FOCAD: variants seen among roughly 807,000 people sequenced by gnomAD.
The protein encoded by FOCAD is focadhesin.
FOCAD carries 198 observed loss-of-function variants against 225.6 expected under a neutral mutation model. The observed-to-expected ratio is 0.88, with a 90% CI of 0.78 to 0.99. The LOEUF (loss-of-function observed/expected upper bound fraction) is 0.99. Among genes scored for constraint, FOCAD ranks in the 50% least tolerant of loss-of-function variants. FOCAD has a pLI of 0.00. For missense variants in FOCAD, 2,713 were observed against 2,123.6 expected (o/e 1.28, Z -5.46); for synonymous variants, 897 against 755.0 (o/e 1.19, Z -3.08).
intron 2 of FOCAD, among the ~76,000 whole-genome samples, chr9:20,666,553 G>C (rs1821904807): frequency 6.6e-6 from 1 of 152,144 alleles, no homozygotes; most frequent in Admixed American, 6.5e-5. Context: ...CTGGGTGAGA[G>C]TGAGACCCTA....
intron 10 of FOCAD, among the ~76,000 whole-genome samples, chr9:20,788,292 T>TG (rs1204520278): frequency 6.6e-6 from 1 of 152,136 alleles, no homozygotes; most frequent in African/African-American, 2.4e-5. Flanking sequence ...TGCCAAGGGC[T>TG]GGAGGAGGGT....
chr9:20,772,868 A>G (rs1423515724), intron 8 of FOCAD, among the ~76,000 whole-genome samples: 2 of 151,854 alleles, frequency 1.3e-5, no homozygotes, highest in Non-Finnish European at 2.9e-5. Context: ...TTTCTATTAT[A>G]CAGTTACATA....
At chr9:20,748,675 C>T (rs1030999899) in intron 5 of FOCAD, among the ~76,000 whole-genome samples, 7 of 152,046 alleles carry the variant, frequency 4.6e-5, no homozygotes, top group African/African-American at 1.7e-4. Flanking sequence ...TTTTCAAGGG[C>T]CATCTGTCTC....
chr9:20,705,776 A>G, intron 1 of FOCAD, among the ~76,000 whole-genome samples: 1 of 151,842 alleles, frequency 6.6e-6, no homozygotes, highest in Non-Finnish European at 1.5e-5. Flanking sequence ...AAAAAATTCT[A>G]GAGATTCATA....
At chr9:20,697,816 G>A (rs1411608183) in intron 1 of FOCAD, among the ~76,000 whole-genome samples, 1 of 152,242 alleles carries the variant, frequency 6.6e-6, no homozygotes, top group Non-Finnish European at 1.5e-5. Flanking sequence ...TGAGACTGGA[G>A]GATGTTGAAC....
At chr9:20,757,682 T>C (rs562096676) in intron 5 of FOCAD, among the ~76,000 whole-genome samples, 27 of 152,048 alleles carry the variant, frequency 1.8e-4, no homozygotes, top group African/African-American at 5.5e-4. Flanking sequence ...TTGGAGGAAA[T>C]GGAACTTACC....
chr9:20,908,978 GCAT>G (rs1161288562), intron 22 of FOCAD, among the ~76,000 whole-genome samples: 5 of 152,158 alleles, frequency 3.3e-5, no homozygotes, highest in African/African-American at 1.2e-4. Context: ...TATCTTTGAT[GCAT>G]TAATAAAGGA....
intron 11 of FOCAD, among the ~76,000 whole-genome samples, chr9:20,802,630 A>T (rs1821969895): frequency 6.6e-6 from 1 of 152,202 alleles, no homozygotes. Context: ...ACTATTTTCC[A>T]ATATTGTCAT....
chr9:20,831,600 T>A (rs1825499493), intron 15 of FOCAD, among the ~76,000 whole-genome samples: 1 of 152,018 alleles, frequency 6.6e-6, no homozygotes. Context: ...ATTTCAAACC[T>A]TAAGCAGCAT....
At chr9:20,675,315 A>G (rs1379757283) in intron 2 of FOCAD, among the ~76,000 whole-genome samples, 1 of 152,220 alleles carries the variant, frequency 6.6e-6, no homozygotes, top group African/African-American at 2.4e-5. Flanking sequence ...AAAAATATAT[A>G]CCAGAGCATA....
chr9:20,947,429 G>A (rs1048584933), intron 30 of FOCAD, among the ~76,000 whole-genome samples: 2 of 152,256 alleles, frequency 1.3e-5, no homozygotes, highest in East Asian at 3.9e-4. Context: ...TTACTTACAT[G>A]AGCTGCGTAG....
At chr9:20,868,548 C>T (rs1829484202) in intron 18 of FOCAD, among the ~76,000 whole-genome samples, 1 of 152,072 alleles carries the variant, frequency 6.6e-6, no homozygotes, top group South Asian at 2.1e-4. Context: ...ACTCTTTGAT[C>T]CCTGAATAGC....
intron 35 of FOCAD, chr9:20,957,576 GTGA>G (rs1462304364): frequency 7.4e-6 from 1 of 134,366 alleles, no homozygotes; most frequent in Non-Finnish European, 1.5e-5. Context: ...CCAGGCTCAA[GTGA>G]TTGGCCTGCC....
chr9:20,862,702 C>G lies in FOCAD; in HGVS notation c.2045C>G (p.Thr682Ser). ...SLVPSLTVNT[T>S]EYENFKVQVL... ...GTTCCTTCCTTAACGGTCAATACAA[C>G]TGAATATGAGGTATGCATTTGGAGC... is the stretch of plus-strand genomic sequence containing the variant. The change falls in exon 16 of 44, where the codon ACT becomes AGT. Residue 682 changes from threonine to serine, a missense_variant. Thr to Ser is a moderately conservative substitution (Grantham distance 58). Transcript: ENST00000338382. 1 of 1,612,056 alleles carries G rather than the reference C, an allele frequency of 6.2e-7. No individual in the cohort carries two copies. The highest frequency in any genetic ancestry group is 8.5e-7 in the Non-Finnish European group (1 of 1,178,982).
intron 8 of FOCAD, among the ~76,000 whole-genome samples, chr9:20,773,303 A>G (rs1161112283): frequency 2.0e-5 from 3 of 152,244 alleles, no homozygotes; most frequent in African/African-American, 4.8e-5. Flanking sequence ...CTTATGTTTT[A>G]GTCAAATGGT....
intron 29 of FOCAD, 93 bp from the exon 30 acceptor site, chr9:20,946,608 G>A (rs1336450670): frequency 7.4e-7 from 1 of 1,346,336 alleles, no homozygotes; most frequent in African/African-American, 1.5e-5. Flanking sequence ...TTCTTACTCT[G>A]GGGGGGAGTT....
intron 18 of FOCAD, 83 bp downstream of exon 18, chr9:20,867,095 C>G: frequency 2.4e-6 from 2 of 827,776 alleles, no homozygotes; most frequent in Non-Finnish European, 3.9e-6. Context: ...GAGATACTTA[C>G]CTGATGAATA....
At chr9:20,983,045 G>T (rs1033479209) in intron 39 of FOCAD, among the ~76,000 whole-genome samples, 1 of 152,140 alleles carries the variant, frequency 6.6e-6, no homozygotes, top group Admixed American at 6.5e-5. Flanking sequence ...TTTATGGCAG[G>T]TTTGCCTATT....
chr9:20,742,873 A>G (rs954455197), intron 5 of FOCAD, among the ~76,000 whole-genome samples: 1 of 152,176 alleles, frequency 6.6e-6, no homozygotes, highest in Non-Finnish European at 1.5e-5. Context: ...TTGTCTTTAG[A>G]TACGTGGCAC....
Sources: allele counts gnomAD v4.1 joint callset (sites outside exome capture counted in the v4.1 genomes callset), GRCh38; gene constraint gnomAD v4.1.1; transcripts MANE v1.5; gene names NCBI Gene and HGNC (gene_info 2026-07-23, HGNC 2026-07-21).